The following AMD1 variants were observed in gnomAD, a reference collection of about 807,000 sequenced individuals.
The protein encoded by AMD1 is adenosylmethionine decarboxylase 1, also known as S-adenosylmethionine decarboxylase proenzyme.
A neutral mutation model predicts 40.2 loss-of-function variants in AMD1; 11 were observed. That is an observed-to-expected ratio of 0.27 (90% confidence interval 0.17 to 0.45). The LOEUF (loss-of-function observed/expected upper bound fraction) is 0.45, where lower values mean the gene tolerates loss of function less well. AMD1 is among the 20% of genes least tolerant of loss of function. AMD1 has a pLI of 1.00. For synonymous variants in AMD1, 121 were observed against 130.8 expected (o/e 0.93, Z 0.51); for missense variants, 257 against 410.2 (o/e 0.63, Z 3.23).
At position 110,875,210 on chromosome 6, in the gene AMD1, C is replaced by T; in HGVS notation, c.105C>T (p.Ile35=). The change falls in exon 1 of 9, where the codon ATC becomes ATT. Residue 35 remains isoleucine (I), a synonymous_variant. Coordinates refer to ENST00000368885, the MANE Select transcript of AMD1 (RefSeq NM_001634.6). ...AAGGATCTGGGGATCTTCGCACTAT[C>T]CCAAGGTGGGTCCCCGGGGCGCTCG... is the stretch of plus-strand genomic sequence containing the variant. ...ANQGSGDLRT[I]PRSEWDILLK... 1.9e-6 allele frequency: 3 copies of T among 1,607,836 alleles called. No homozygotes were observed. Among genetic ancestry groups the T allele is most frequent in the South Asian group, 1.1e-5 (1 of 90,160 alleles).
chr6:110,829,561 C>T, the AMD1 span, among the ~76,000 whole-genome samples: 5,072 of 149,904 alleles, frequency 0.034, 104 homozygotes, highest in South Asian at 0.085. Context: ...CCCAGCTACT[C>T]GGGAGGCTGA....
At chr6:110,849,052 C>T in the AMD1 span, among the ~76,000 whole-genome samples, 2 of 152,146 alleles carry the variant, frequency 1.3e-5, no homozygotes, top group African/African-American at 2.4e-5. Context: ...GATAGTTAAA[C>T]AGCATGGGAT....
chr6:110,852,668 A>G, the AMD1 span, among the ~76,000 whole-genome samples: 1 of 152,192 alleles, frequency 6.6e-6, no homozygotes, highest in Non-Finnish European at 1.5e-5. Context: ...AAATAAAACA[A>G]TAATCAATAC....
rs993638093 is a variant in AMD1, at chr6:110,895,043, T to C, written c.*1427T>C. 1 of 152,230 alleles carries C rather than the reference T, an allele frequency of 6.6e-6. No homozygotes were observed. The highest frequency in any genetic ancestry group is 2.4e-5 in the African/African-American group (1 of 41,464). 9.4% of individuals were successfully genotyped at this position (152,230 alleles called of 1,614,324 possible). A position where few individuals can be genotyped will look rare whatever the true frequency, so the allele number is the denominator to read the frequency against. ...TTCAAGAGTTGGTACCTTTTAGCTA[T>C]ATTTGCAGATTCTCTGGGATTTTAA... On this transcript the variant is annotated 3_prime_UTR_variant, in exon 9 of 9. Coordinates refer to ENST00000368885, the MANE Select transcript of AMD1 (RefSeq NM_001634.6).
chr6:110,857,810 A>G, the AMD1 span, among the ~76,000 whole-genome samples: 5 of 148,668 alleles, frequency 3.4e-5, no homozygotes, highest in African/African-American at 9.8e-5. Flanking sequence ...TATAGATGGT[A>G]TATATATACA....
At chr6:110,861,086 C>T in the AMD1 span, among the ~76,000 whole-genome samples, 13 of 151,776 alleles carry the variant, frequency 8.6e-5, no homozygotes, top group Middle Eastern at 3.4e-3. Flanking sequence ...GGGCTGGGCA[C>T]GCTGGCTCAC....
the AMD1 span, among the ~76,000 whole-genome samples, chr6:110,852,783 A>C: frequency 6.6e-6 from 1 of 152,210 alleles, no homozygotes; most frequent in African/African-American, 2.4e-5. Flanking sequence ...ACTTTGACCC[A>C]ACACTCTACC....
Position 110,893,522 on chromosome 6 carries a change from G to A in AMD1, c.911G>A (p.Gly304Asp). The A allele has an allele frequency of 6.2e-7, 1 of 1,613,974 alleles. No individual in the cohort carries two copies. Among genetic ancestry groups the A allele is most frequent in the South Asian group, 1.1e-5 (1 of 91,064 alleles). Residue 304 changes from glycine (G) to aspartate (D), a missense_variant, in exon 9 of 9, where the codon GGT (glycine) becomes GAT (aspartate). Gly to Asp is a moderately conservative substitution (Grantham distance 94). Around this residue, in one of 3 missense-constraint regions of AMD1, gnomAD observed 192 missense variants for 296.5 expected, o/e 0.65. Coordinates refer to ENST00000368885, the MANE Select transcript of AMD1 (RefSeq NM_001634.6). ...CTTGCTTCGCCCCAGAAGATTGAAG[G>A]TTTTAAGCGTCTTGATTGCCAGAGT... is the stretch of plus-strand genomic sequence containing the variant. ...TVLASPQKIE[G>D]FKRLDCQSAM...
chr6:110,825,415 C>T, the AMD1 span, among the ~76,000 whole-genome samples: 1 of 152,178 alleles, frequency 6.6e-6, no homozygotes, highest in Non-Finnish European at 1.5e-5. Flanking sequence ...AACATTCCAT[C>T]CTCTTTGTCT....
At chr6:110,832,150 G>A in the AMD1 span, among the ~76,000 whole-genome samples, 5,737 of 151,612 alleles carry the variant, frequency 0.038, 394 homozygotes, top group East Asian at 0.35. Flanking sequence ...AACTACAGGC[G>A]CATGCCACCA....
chr6:110,833,970 T>G, the AMD1 span, among the ~76,000 whole-genome samples: 1 of 152,206 alleles, frequency 6.6e-6, no homozygotes, highest in Non-Finnish European at 1.5e-5. Flanking sequence ...CAATTTTTTT[T>G]TTTTAGACTG....
At chr6:110,815,241 TCG>T in the AMD1 span, 5,317 of 1,110,484 alleles carry the variant, frequency 4.8e-3, no homozygotes, top group South Asian at 1.0e-2. Flanking sequence ...CAGCCGCCTC[TCG>T]CGCGCGCGCG....
the AMD1 span, among the ~76,000 whole-genome samples, chr6:110,852,467 A>G: frequency 0.31 from 46,366 of 151,502 alleles, 7,915 homozygotes; most frequent in East Asian, 0.67. Flanking sequence ...GGATCCACCC[A>G]TCTCAGCCTC....
chr6:110,831,406 T>C, the AMD1 span, among the ~76,000 whole-genome samples: 2 of 150,224 alleles, frequency 1.3e-5, no homozygotes, highest in East Asian at 3.9e-4. Flanking sequence ...GGCATTGTAC[T>C]CCAACCTGGG....
At chr6:110,881,059 T>C (rs1272878055) in intron 1 of AMD1, among the ~76,000 whole-genome samples, 1 of 152,216 alleles carries the variant, frequency 6.6e-6, no homozygotes, top group African/African-American at 2.4e-5. Context: ...ATATAAAATG[T>C]GGCATGCCAC....
At chr6:110,821,503 A>C in the AMD1 span, among the ~76,000 whole-genome samples, 30 of 152,174 alleles carry the variant, frequency 2.0e-4, no homozygotes, top group Non-Finnish European at 3.4e-4. Flanking sequence ...AATCCCAGCT[A>C]CTTGGGAGGC....
the AMD1 span, among the ~76,000 whole-genome samples, chr6:110,837,031 C>A: frequency 1.3e-5 from 2 of 151,772 alleles, no homozygotes; most frequent in Non-Finnish European, 2.9e-5. Flanking sequence ...GTGGCAAGTG[C>A]CTGTAGTCCT....
the AMD1 span, among the ~76,000 whole-genome samples, chr6:110,828,976 C>T: frequency 1.3e-5 from 2 of 152,054 alleles, no homozygotes; most frequent in African/African-American, 2.4e-5. Context: ...TCAAGACCAC[C>T]CTGGCCAACA....
chr6:110,834,057 T>C, the AMD1 span, among the ~76,000 whole-genome samples: 1 of 152,124 alleles, frequency 6.6e-6, no homozygotes, highest in Non-Finnish European at 1.5e-5. Flanking sequence ...AATCCTCCTG[T>C]GTAGCTGGGA....
Sources: gnomAD v4.1 joint callset for allele counts (sites outside exome capture counted in the v4.1 genomes callset) on GRCh38, gnomAD v4.1.1 for gene constraint, gnomAD v4.1.1 regional missense constraint, MANE v1.5 for transcripts, NCBI Gene and HGNC (gene_info 2026-07-23, HGNC 2026-07-21) for gene names.